Variants in ARHGAP15 observed in about 807,000 individuals in gnomAD.
The protein encoded by ARHGAP15 is Rho GTPase activating protein 15, also known as rho GTPase-activating protein 15.
ARHGAP15 carries 51 observed loss-of-function variants against 63.7 expected under a neutral mutation model. The observed-to-expected ratio is 0.80, with a 90% CI of 0.64 to 1.01. ARHGAP15 has a LOEUF of 1.01. Ranked by LOEUF, ARHGAP15 falls within the 50% of genes least tolerant of loss-of-function variation. The pLI, the probability that ARHGAP15 is intolerant of heterozygous loss-of-function variation, is 0.00. For missense variants in ARHGAP15, 560 were observed against 564.6 expected (o/e 0.99, Z 0.08); for synonymous variants, 191 against 193.8 (o/e 0.99, Z 0.12).
intron 6 of ARHGAP15, among the ~76,000 whole-genome samples, chr2:143,364,502 T>G (rs1558922094): frequency 1.3e-5 from 2 of 152,162 alleles, no homozygotes. Context: ...AGCATGATAC[T>G]TATAATATGT....
intron 8 of ARHGAP15, 135 bp downstream of exon 8, chr2:143,437,177 A>T: frequency 1.2e-5 from 12 of 1,027,886 alleles, no homozygotes; most frequent in Non-Finnish European, 1.7e-5. Flanking sequence ...CTGGCCAGGG[A>T]TTTGTGCACT....
At chr2:143,166,001 A>AGAAAGAAAGAAGGAAGGAAG (rs70982847) in intron 2 of ARHGAP15, among the ~76,000 whole-genome samples, 105 of 101,138 alleles carry the variant, frequency 1.0e-3, no homozygotes, top group African/African-American at 4.5e-3. Flanking sequence ...AAAGAAAGAA[A>AGAAAGAAAGAAGGAAGGAAG]GAAGGAAGGA....
chr2:143,449,384 C>T (rs564846710), intron 8 of ARHGAP15, among the ~76,000 whole-genome samples: 3 of 152,008 alleles, frequency 2.0e-5, no homozygotes, highest in African/African-American at 7.2e-5. Context: ...CTCTTCTTTT[C>T]GGAACACATA....
At chr2:143,338,284 A>C (rs1174587586) in intron 6 of ARHGAP15, among the ~76,000 whole-genome samples, 1 of 152,220 alleles carries the variant, frequency 6.6e-6, no homozygotes, top group Non-Finnish European at 1.5e-5. Flanking sequence ...AAATAAACAT[A>C]GAGCTGTATA....
rs567229016 is a variant in ARHGAP15 at position 143,232,192 on chromosome 2, G to A, written c.384+3524G>A. ...CTATTCTGTTCTTGTTTTATGAAAA[G>A]GACATTAAATCGTAACTGACCACCT... is the stretch of plus-strand genomic sequence containing the variant. On this transcript the variant is annotated intron_variant, in intron 5 of 13. Coordinates refer to ENST00000295095, the MANE Select transcript of ARHGAP15 (RefSeq NM_018460.4). 3.9e-5 allele frequency among the ~76,000 whole-genome samples: 6 copies of A among 152,192 alleles called. No individual in the cohort carries two copies. The East Asian group carries it at 1.2e-3, about 29-fold the overall frequency.
chr2:143,416,283 T>A (rs911773307), intron 6 of ARHGAP15, among the ~76,000 whole-genome samples: 3 of 152,134 alleles, frequency 2.0e-5, no homozygotes, highest in African/African-American at 7.2e-5. Flanking sequence ...GTGAAGTTAC[T>A]TGGTCTCGTG....
At chr2:143,517,059 C>T (rs977778489) in intron 9 of ARHGAP15, among the ~76,000 whole-genome samples, 1 of 152,174 alleles carries the variant, frequency 6.6e-6, no homozygotes, top group African/African-American at 2.4e-5. Context: ...AGCAATTCTC[C>T]TGCCTCAGCC....
chr2:143,703,108 AT>A (rs1684164237), intron 12 of ARHGAP15, among the ~76,000 whole-genome samples: 1 of 152,230 alleles, frequency 6.6e-6, no homozygotes. Context: ...TGTTGCTTTC[AT>A]GTTAAGATTA....
At chr2:143,286,822 A>G (rs180881501) in intron 6 of ARHGAP15, among the ~76,000 whole-genome samples, 33 of 152,344 alleles carry the variant, frequency 2.2e-4, no homozygotes, top group African/African-American at 7.7e-4. Context: ...GTGGAATTAC[A>G]CAAACATAGA....
At chr2:143,514,589 C>T (rs1278537050) in intron 9 of ARHGAP15, among the ~76,000 whole-genome samples, 1 of 152,198 alleles carries the variant, frequency 6.6e-6, no homozygotes, top group African/African-American at 2.4e-5. Flanking sequence ...AACCTGGACT[C>T]ATCACCACCT....
At chr2:143,339,736 GA>G (rs1202555085) in intron 6 of ARHGAP15, among the ~76,000 whole-genome samples, 2 of 152,102 alleles carry the variant, frequency 1.3e-5, no homozygotes, top group Admixed American at 1.3e-4. Flanking sequence ...GACAATCTAT[GA>G]CTAAGATTCT....
intron 10 of ARHGAP15, among the ~76,000 whole-genome samples, chr2:143,528,168 T>C (rs1694362212): frequency 6.6e-6 from 1 of 152,122 alleles, no homozygotes; most frequent in Non-Finnish European, 1.5e-5. Flanking sequence ...AGGCATTGTT[T>C]CAATTCCAAT....
intron 6 of ARHGAP15, among the ~76,000 whole-genome samples, chr2:143,401,755 G>A (rs1281978634): frequency 6.6e-6 from 1 of 151,906 alleles, no homozygotes; most frequent in Non-Finnish European, 1.5e-5. Context: ...GTAATTGACA[G>A]TGATGATATA....
chr2:143,657,301 C>G (rs960367379), intron 12 of ARHGAP15, among the ~76,000 whole-genome samples: 1 of 152,266 alleles, frequency 6.6e-6, no homozygotes, highest in Non-Finnish European at 1.5e-5. Context: ...GAGCCGAGAT[C>G]GCGCCACTGC....
At chr2:143,397,317 T>TGC (rs758459229) in intron 6 of ARHGAP15, among the ~76,000 whole-genome samples, 40 of 29,522 alleles carry the variant, frequency 1.4e-3, no homozygotes, top group South Asian at 3.9e-3. Context: ...GAGATATGTA[T>TGC]GTGTGTGTGT....
chr2:143,602,612 G>A (rs1697818405), intron 11 of ARHGAP15, among the ~76,000 whole-genome samples: 1 of 152,050 alleles, frequency 6.6e-6, no homozygotes, highest in Admixed American at 6.6e-5. Context: ...TACATGCTTT[G>A]GAGATAAGAC....
intron 6 of ARHGAP15, among the ~76,000 whole-genome samples, chr2:143,285,958 T>C (rs1682075673): frequency 6.6e-6 from 1 of 152,212 alleles, no homozygotes; most frequent in African/African-American, 2.4e-5. Flanking sequence ...ATGTTGACTT[T>C]AGCAAAAACT....
At chr2:143,423,948 T>A (rs1415759948) in intron 6 of ARHGAP15, among the ~76,000 whole-genome samples, 1 of 152,138 alleles carries the variant, frequency 6.6e-6, no homozygotes, top group Non-Finnish European at 1.5e-5. Flanking sequence ...GACAGAGAAA[T>A]TATGAAATGT....
At chr2:143,359,380 T>C (rs927250330) in intron 6 of ARHGAP15, among the ~76,000 whole-genome samples, 3 of 152,192 alleles carry the variant, frequency 2.0e-5, no homozygotes, top group Non-Finnish European at 4.4e-5. Flanking sequence ...CTCTCCAGTC[T>C]AGGACTATCA....
Sources: allele counts gnomAD v4.1 joint callset (sites outside exome capture counted in the v4.1 genomes callset), GRCh38; gene constraint gnomAD v4.1.1; transcripts MANE v1.5; gene names NCBI Gene and HGNC (gene_info 2026-07-23, HGNC 2026-07-21).